SLC38A1: variants seen among roughly 807,000 people sequenced by gnomAD.
SLC38A1 encodes the protein sodium-coupled neutral amino acid symporter 1.
Under a neutral mutation model 60.3 loss-of-function variants are expected in SLC38A1, and 18 were observed. The ratio of observed to expected loss-of-function variants is 0.30; its 90% CI spans 0.21 to 0.44. The LOEUF (loss-of-function observed/expected upper bound fraction) is 0.44. Among genes scored for constraint, SLC38A1 ranks in the 20% least tolerant of loss-of-function variants. The pLI is 1.00. For synonymous variants in SLC38A1, 196 were observed against 212.1 expected (o/e 0.92, Z 0.66); for missense variants, 448 against 587.2 (o/e 0.76, Z 2.45).
chr12:46,218,600 G>A (rs551172177), intron 5 of SLC38A1, among the ~76,000 whole-genome samples: 8 of 152,150 alleles, frequency 5.3e-5, no homozygotes, highest in East Asian at 1.9e-4. Flanking sequence ...TTTTGTAGTC[G>A]CCCAATGGGT....
intron 1 of SLC38A1, among the ~76,000 whole-genome samples, chr12:46,251,928 G>T (rs1941856068): frequency 6.6e-6 from 1 of 152,060 alleles, no homozygotes; most frequent in South Asian, 2.1e-4. Context: ...AAGACAGTGT[G>T]GCAATTCCTC....
intron 1 of SLC38A1, among the ~76,000 whole-genome samples, chr12:46,263,211 CT>C (rs1942252071): frequency 6.6e-6 from 1 of 152,084 alleles, no homozygotes; most frequent in African/African-American, 2.4e-5. Context: ...GGAGAGCATT[CT>C]TATGTGCAGC....
chr12:46,252,708 G>A (rs182696821), intron 1 of SLC38A1, among the ~76,000 whole-genome samples: 1 of 151,812 alleles, frequency 6.6e-6, no homozygotes, highest in Admixed American at 6.6e-5. Flanking sequence ...TATAATTGTT[G>A]TATGGCCTTC....
chr12:46,204,340 A>G lies in SLC38A1; in HGVS notation c.783T>C (p.Ala261=). The G allele has an allele frequency of 6.2e-7, 1 of 1,613,602 alleles. No individual in the cohort carries two copies. Among genetic ancestry groups the G allele is most frequent in the Non-Finnish European group, 8.5e-7 (1 of 1,179,574 alleles). ...TAACATATTTTGGCGTACACGTGTC[A>G]GCATTTGTTGAATTAGCACTTATTG... ...NSTISANSTN[A]DTCTPKYVTF... is the part of the protein sequence containing the mutation. Residue 261 remains alanine, a synonymous_variant, in exon 11 of 17, where the codon GCT becomes GCC. Coordinates refer to ENST00000398637, the MANE Select transcript of SLC38A1 (RefSeq NM_030674.4).
intron 1 of SLC38A1, among the ~76,000 whole-genome samples, chr12:46,248,895 G>A (rs1480314182): frequency 6.6e-6 from 1 of 152,080 alleles, no homozygotes; most frequent in Non-Finnish European, 1.5e-5. Flanking sequence ...GATGGCTCAC[G>A]CCTGTAATCT....
intron 16 of SLC38A1, chr12:46,196,372 G>A (rs1254928117): frequency 6.8e-7 from 1 of 1,470,528 alleles, no homozygotes; most frequent in African/African-American, 1.4e-5. Context: ...TACACAGATG[G>A]AACCCTTGTC....
intron 5 of SLC38A1, among the ~76,000 whole-genome samples, chr12:46,228,325 G>A (rs914500065): frequency 6.6e-6 from 1 of 152,172 alleles, no homozygotes; most frequent in African/African-American, 2.4e-5. Flanking sequence ...TGTAGGATTA[G>A]TAACCATTTC....
intron 16 of SLC38A1, among the ~76,000 whole-genome samples, chr12:46,194,650 T>C (rs1031557956): frequency 1.3e-5 from 2 of 152,244 alleles, no homozygotes; most frequent in Non-Finnish European, 2.9e-5. Context: ...CTTTTTTCTG[T>C]ATTCTTCTCA....
Position 46,185,289 on chromosome 12 carries a change from G to A in SLC38A1, c.*3681C>T, listed in dbSNP as rs1174627766. The A allele has an allele frequency of 6.6e-6, 1 of 151,612 alleles. No homozygotes were observed. The highest frequency in any genetic ancestry group is 1.5e-5 in the Non-Finnish European group (1 of 68,088). The allele number at this position is 151,612 out of a possible 1,614,324, so 9.4% of individuals were successfully genotyped here. A position where few individuals can be genotyped will look rare whatever the true frequency, so the allele number is the denominator to read the frequency against. ...CCACACTTTGAGAACCACTGGCTTA[G>A]AGGCATGAATCAAGCTCTAGAAAGC... On this transcript the variant is annotated 3_prime_UTR_variant, in exon 17 of 17. Coordinates refer to ENST00000398637, the MANE Select transcript of SLC38A1 (RefSeq NM_030674.4).
chr12:46,236,812 A>C (rs1212786208), intron 3 of SLC38A1, among the ~76,000 whole-genome samples: 2 of 152,230 alleles, frequency 1.3e-5, no homozygotes. Flanking sequence ...GCTAGGAATC[A>C]GAATTGCAGA....
In SLC38A1 at chr12:46,204,432, T is replaced by C; in HGVS notation, c.706-15A>G. On this transcript the variant is annotated splice_polypyrimidine_tract_variant and intron_variant, in intron 10 of 16. Transcript: ENST00000398637. ...TTGTAAATAACCTGGTATTAAGAAG[T>C]ATAGTAGAAGCAATATGGACTTTAG... The C allele has an allele frequency of 6.3e-7, 1 of 1,597,258 alleles. No homozygotes were observed. The highest frequency in any genetic ancestry group is 1.1e-5 in the South Asian group (1 of 90,730).
At chr12:46,197,692 A>T in intron 16 of SLC38A1, 28 bp downstream of exon 16, 1 of 1,375,826 alleles carries the variant, frequency 7.3e-7, no homozygotes, top group South Asian at 1.2e-5. Context: ...CTAATCAGAA[A>T]AGTTAGAGTG....
chr12:46,249,785 C>A (rs2138630933), intron 1 of SLC38A1, among the ~76,000 whole-genome samples: 1 of 152,186 alleles, frequency 6.6e-6, no homozygotes, highest in East Asian at 1.9e-4. Context: ...AACACTAAAC[C>A]AGGAAGAAGT....
chr12:46,237,984 G>A (rs752723042), intron 3 of SLC38A1, among the ~76,000 whole-genome samples: 4 of 151,808 alleles, frequency 2.6e-5, no homozygotes, highest in Non-Finnish European at 5.9e-5. Flanking sequence ...ACCAGAGGGA[G>A]GAGGGTAGAG....
chr12:46,229,579 C>G lies in SLC38A1; in HGVS notation c.183G>C (p.Lys61Asn), dbSNP rs777047291. ...TGATACTTACATACTCATCACACTT[C>G]TTTTTTTCCAAATGGCTGTTTGTGA... The part of the protein sequence containing the change: ...RSLTNSHLEK[K>N]KCDEYIPGTT... Residue 61 changes from lysine (K) to asparagine (N), a missense_variant, in exon 4 of 17, where the codon AAG (lysine) becomes AAC (asparagine). Coordinates refer to ENST00000398637, the MANE Select transcript of SLC38A1 (RefSeq NM_030674.4). The G allele has an allele frequency of 6.8e-6, 11 of 1,612,382 alleles. No individual in the cohort carries two copies. Among genetic ancestry groups the G allele is most frequent in the Non-Finnish European group, 8.5e-7 (1 of 1,178,812 alleles).
intron 14 of SLC38A1, among the ~76,000 whole-genome samples, chr12:46,198,296 G>A (rs1939481681): frequency 6.6e-6 from 1 of 152,012 alleles, no homozygotes; most frequent in African/African-American, 2.4e-5. Flanking sequence ...TTCTGTCTTT[G>A]GTTTATCTAA....
At chr12:46,235,099 C>G (rs2138121227) in intron 3 of SLC38A1, among the ~76,000 whole-genome samples, 1 of 152,250 alleles carries the variant, frequency 6.6e-6, no homozygotes, top group East Asian at 1.9e-4. Context: ...TGACCCTGAA[C>G]AGACAAAGCC....
In SLC38A1 at chr12:46,268,734, C is replaced by A; in HGVS notation, c.-417G>T. 1 of 310,886 alleles carries A rather than the reference C, an allele frequency of 3.2e-6. No individual in the cohort carries two copies. Among genetic ancestry groups the A allele is most frequent in the Non-Finnish European group, 7.0e-6 (1 of 142,874 alleles). The allele number at this position is 310,886 out of a possible 1,614,324, so 19.3% of individuals were successfully genotyped here. The stretch of plus-strand genomic sequence containing the variant: ...GGTGAAGGGCGGAGGCTCCTGGCGA[C>A]CTTCTGGCGGAGTGGCGTGGCCGCC... On this transcript the variant is annotated 5_prime_UTR_variant, in exon 1 of 17. Transcript: ENST00000398637. This position sits in a 1 kb window ranked among gnomAD's most constrained non-coding sequence, Gnocchi z 4.4.
In SLC38A1 at chr12:46,217,379, A is replaced by T. The variant is rs73278882; in HGVS notation, c.315-8252T>A. Among the ~76,000 whole-genome samples the T allele has an allele frequency of 5.0e-3, 759 of 152,344 alleles. 2 individuals are homozygous for T. Among genetic ancestry groups the T allele is most frequent in the African/African-American group, 0.018 (731 of 41,574 alleles). ...AAACAAAAATCTTAGAATGAAATAC[A>T]TTGAAATGTTAATGGAGCTTGTCTA... On this transcript the variant is annotated intron_variant, in intron 5 of 16. Coordinates refer to ENST00000398637, the MANE Select transcript of SLC38A1 (RefSeq NM_030674.4).
Sources: allele counts gnomAD v4.1 joint callset (sites outside exome capture counted in the v4.1 genomes callset), GRCh38; gene constraint gnomAD v4.1.1; non-coding constraint Gnocchi (gnomAD v3.1); transcripts MANE v1.5; gene names NCBI Gene and HGNC (gene_info 2026-07-23, HGNC 2026-07-21).